PTPN2: variants seen among roughly 807,000 people sequenced by gnomAD.
PTPN2 encodes the protein protein tyrosine phosphatase non-receptor type 2.
PTPN2 carries 19 observed loss-of-function variants against 57.3 expected under a neutral mutation model. The ratio of observed to expected loss-of-function variants is 0.33; its 90% CI spans 0.23 to 0.49. PTPN2 has a LOEUF of 0.49. Ranked by LOEUF, PTPN2 falls within the 20% of genes least tolerant of loss-of-function variation. The pLI is 0.99. For synonymous variants in PTPN2, 153 were observed against 164.9 expected, an observed-to-expected ratio of 0.93 and a Z score of 0.55; for missense variants, 358 against 501.1, an observed-to-expected ratio of 0.71 and a Z score of 2.73.
intron 1 of PTPN2, among the ~76,000 whole-genome samples, chr18:12,875,952 C>G (rs1341153036): frequency 1.3e-5 from 2 of 152,144 alleles, no homozygotes; most frequent in South Asian, 2.1e-4. Context: ...AGCACTGTGG[C>G]TCCCCAGCAT....
intron 8 of PTPN2, among the ~76,000 whole-genome samples, chr18:12,800,696 C>T (rs1483544394): frequency 6.6e-6 from 1 of 152,136 alleles, no homozygotes; most frequent in Non-Finnish European, 1.5e-5. Context: ...CGACTATTTT[C>T]ATTCCAATCT....
At chr18:12,787,650 T>C (rs936364991), downstream of PTPN2, 1 of 152,168 alleles carries the variant, frequency 6.6e-6, no homozygotes. Context: ...GAAAATACGG[T>C]TAAATCATTG....
intron 6 of PTPN2, among the ~76,000 whole-genome samples, chr18:12,814,999 G>A (rs2042017675): frequency 6.6e-6 from 1 of 151,434 alleles, no homozygotes; most frequent in African/African-American, 2.4e-5. Flanking sequence ...CTGGAGAATC[G>A]CCTGAACCCA....
chr18:12,883,768 A>C, intron 1 of PTPN2: 1 of 268,130 alleles, frequency 3.7e-6, no homozygotes, highest in African/African-American at 2.2e-5. Flanking sequence ...GGGCCGCGCA[A>C]CGCTGGTGGC....
intron 2 of PTPN2, chr18:12,840,704 A>C (rs767467395): frequency 6.3e-7 from 1 of 1,598,144 alleles, no homozygotes; most frequent in Admixed American, 1.7e-5. Flanking sequence ...TGTGCAATTT[A>C]AGAGATTACC....
chr18:12,883,092 G>A (rs1046319188), intron 1 of PTPN2, among the ~76,000 whole-genome samples: 3 of 152,176 alleles, frequency 2.0e-5, no homozygotes, highest in African/African-American at 7.2e-5. Context: ...CACGATTAGG[G>A]CGATAGGCAT....
At chr18:12,870,450 T>TAGAGAG (rs1598886807) in intron 1 of PTPN2, among the ~76,000 whole-genome samples, 2 of 34,408 alleles carry the variant, frequency 5.8e-5, no homozygotes, top group Non-Finnish European at 9.6e-5. Context: ...TGTATATATA[T>TAGAGAG]ATATATATAT....
chr18:12,846,339 A>G (rs1263823520), intron 2 of PTPN2, among the ~76,000 whole-genome samples: 1 of 152,232 alleles, frequency 6.6e-6, no homozygotes, highest in Non-Finnish European at 1.5e-5. Context: ...CACCAACTTT[A>G]GTATCCATTT....
At position 12,884,204 on chromosome 18, in the gene PTPN2, G is replaced by A. The variant is rs1169678662; in HGVS notation, c.-63C>T. The A allele has an allele frequency of 1.5e-5, 20 of 1,335,104 alleles. No individual in the cohort carries two copies. The South Asian group carries it at 2.2e-4, about 15-fold the overall frequency. 82.7% of individuals were successfully genotyped at this position (1,335,104 alleles called of 1,614,324 possible). On this transcript the variant is annotated 5_prime_UTR_variant, in exon 1 of 9. Coordinates refer to ENST00000309660, the MANE Select transcript of PTPN2 (RefSeq NM_002828.4). ...CGGCGGAGAGGCTCAGGCCCCGCAC[G>A]ATCCGGGGAGAGCGCTGGCGCTGCG... is the stretch of plus-strand genomic sequence containing the variant.
intron 7 of PTPN2, among the ~76,000 whole-genome samples, chr18:12,804,329 TAAAC>T (rs745430643): frequency 2.5e-4 from 22 of 88,112 alleles, no homozygotes; most frequent in South Asian, 7.3e-4. Flanking sequence ...AGTTCTCAAA[TAAAC>T]AACCTGATGT....
chr18:12,845,840 T>A (rs1477579470), intron 2 of PTPN2, among the ~76,000 whole-genome samples: 1 of 152,232 alleles, frequency 6.6e-6, no homozygotes, highest in African/African-American at 2.4e-5. Context: ...TCCATTTTTT[T>A]ATCTTCTACA....
intron 2 of PTPN2, among the ~76,000 whole-genome samples, chr18:12,837,179 A>C (rs2042896335): frequency 6.6e-6 from 1 of 152,220 alleles, no homozygotes. Flanking sequence ...AAATGAATAA[A>C]GTACTTACCT....
chr18:12,845,442 G>C (rs575214800), intron 2 of PTPN2, among the ~76,000 whole-genome samples: 1 of 151,974 alleles, frequency 6.6e-6, no homozygotes, highest in African/African-American at 2.4e-5. Context: ...CATTTTCTTA[G>C]AGCAACTGTA....
intron 4 of PTPN2, among the ~76,000 whole-genome samples, chr18:12,829,666 C>T (rs1449623813): frequency 6.6e-6 from 1 of 152,096 alleles, no homozygotes; most frequent in Non-Finnish European, 1.5e-5. Context: ...CTGCCACTCT[C>T]CACCAGAAAA....
At chr18:12,807,586 A>AAAAAAAAAAAAATATAT in intron 7 of PTPN2, among the ~76,000 whole-genome samples, 8 of 35,188 alleles carry the variant, frequency 2.3e-4, no homozygotes, top group African/African-American at 3.5e-4. Flanking sequence ...AAAAAAAAAA[A>AAAAAAAAAAAAATATAT]ATATATATAT....
At chr18:12,790,274 G>C (rs2040951358), downstream of PTPN2, among the ~76,000 whole-genome samples, 1 of 152,104 alleles carries the variant, frequency 6.6e-6, no homozygotes, top group South Asian at 2.1e-4. Context: ...AGGCAGGCTA[G>C]ATTTTTAAGT....
intron 7 of PTPN2, among the ~76,000 whole-genome samples, chr18:12,808,108 A>T (rs1236144213): frequency 6.6e-6 from 1 of 152,128 alleles, no homozygotes; most frequent in Non-Finnish European, 1.5e-5. Context: ...ACTTGAGCCC[A>T]GGAGGCGGAG....
intron 1 of PTPN2, among the ~76,000 whole-genome samples, chr18:12,873,238 GC>G (rs1485109543): frequency 4.9e-5 from 7 of 142,066 alleles, no homozygotes; most frequent in African/African-American, 1.8e-4. Context: ...AAAAAAAAAA[GC>G]CTCTCCCTCT....
chr18:12,817,202 A>G lies in PTPN2; in HGVS notation c.659T>C (p.Ile220Thr). 6.2e-7 allele frequency: 1 copy of G among 1,614,186 alleles called. No homozygotes were observed. The highest frequency in any genetic ancestry group is 8.5e-7 in the Non-Finnish European group (1 of 1,180,014). Residue 220 changes from isoleucine to threonine, a missense_variant, in exon 6 of 9, where the codon ATT becomes ACT. By Grantham distance (89) the Ile-to-Thr change is moderately conservative. Coordinates refer to ENST00000309660, the MANE Select transcript of PTPN2 (RefSeq NM_002828.4). ...GPAVIHCSAGIGRSGTFSLVD... is the reference protein window; with the variant it reads ...GPAVIHCSAGTGRSGTFSLVD... The stretch of plus-strand genomic sequence containing the variant: ...CAGAGAGAAGGTGCCAGAGCGCCCA[A>G]TGCCTGCACTACAGTGGATCACCGC...
Sources: allele counts gnomAD v4.1 joint callset (sites outside exome capture counted in the v4.1 genomes callset), GRCh38; gene constraint gnomAD v4.1.1; transcripts MANE v1.5; gene names NCBI Gene and HGNC (gene_info 2026-07-23, HGNC 2026-07-21).